The following ADCY9 variants were observed in gnomAD, a reference collection of about 807,000 sequenced individuals.
The protein encoded by ADCY9 is adenylate cyclase 9.
A neutral mutation model predicts 101.5 loss-of-function variants in ADCY9; 50 were observed. That is an observed-to-expected ratio of 0.49 (90% CI 0.39 to 0.62). The LOEUF is 0.62. Ranked by LOEUF, ADCY9 falls within the 20% of genes least tolerant of loss-of-function variation. The pLI, the probability that ADCY9 is intolerant of heterozygous loss-of-function variation, is 0.00. For missense variants in ADCY9, 1,662 were observed against 1,800.4 expected (o/e 0.92, Z 1.39); for synonymous variants, 905 against 769.3 (o/e 1.18, Z -2.92).
At chr16:4,044,730 T>C (rs951079608) in intron 2 of ADCY9, among the ~76,000 whole-genome samples, 8 of 152,304 alleles carry the variant, frequency 5.3e-5, no homozygotes, top group African/African-American at 1.7e-4. Context: ...TTCTGAACCA[T>C]TATACATTTA....
Position 4,114,996 on chromosome 16 carries a change from C to A in ADCY9, c.447G>T (p.Ala149=), listed in dbSNP as rs770590153. 2 of 1,613,948 alleles carry A rather than the reference C, an allele frequency of 1.2e-6. No homozygotes were observed. The highest frequency in any genetic ancestry group is 8.5e-7 in the Non-Finnish European group (1 of 1,180,042). Residue 149 remains alanine, a synonymous_variant, in exon 2 of 11, where the codon GCG becomes GCT. Transcript: ENST00000294016. This position sits in a 1 kb window ranked among gnomAD's most constrained non-coding sequence, Gnocchi z 4.3. Reference sequence around the variant, plus strand: ...CCACACACACCAGGAGGAAGCACAGCGCGGGGGCGACCATGACGATCAGTC... The same window carrying A: ...CCACACACACCAGGAGGAAGCACAGAGCGGGGGCGACCATGACGATCAGTC... The part of the protein sequence containing the change: ...RSRLIVMVAP[A]LCFLLVCVGF...
At chr16:4,057,496 C>T (rs2099890692) in intron 2 of ADCY9, among the ~76,000 whole-genome samples, 1 of 152,100 alleles carries the variant, frequency 6.6e-6, no homozygotes. Context: ...GTTTGTCCGC[C>T]GGCCACCGTT....
At chr16:4,025,321 C>T (rs972658079) in intron 2 of ADCY9, among the ~76,000 whole-genome samples, 5 of 147,934 alleles carry the variant, frequency 3.4e-5, no homozygotes, top group South Asian at 2.1e-4. Flanking sequence ...TTGCAGTGAG[C>T]GGACATTGGT....
Position 3,964,619 on chromosome 16 carries a change from G to C in ADCY9, c.*1156C>G, listed in dbSNP as rs1466858824. 6.5e-6 allele frequency: 1 copy of C among 152,746 alleles called. No homozygotes were observed. Among genetic ancestry groups the C allele is most frequent in the Non-Finnish European group, 1.5e-5 (1 of 68,476 alleles). The allele number at this position is 152,746 out of a possible 1,614,324, so 9.5% of individuals were successfully genotyped here. On this transcript the variant is annotated 3_prime_UTR_variant, in exon 11 of 11. Transcript: ENST00000294016. ...CCGGCACAGACCCCCGTGGTTCTGA[G>C]CTGGACCCCGGCAGGGAGGAGCCCC...
rs770612497 is a variant in ADCY9, at chr16:3,954,725, G to A, written c.568-1209C>T. Among the ~76,000 whole-genome samples the A allele has an allele frequency of 6.2e-4, 95 of 152,088 alleles. 1 individual carries two copies. Among genetic ancestry groups the A allele is most frequent in the Non-Finnish European group, 9.7e-4 (66 of 68,024 alleles). On this transcript the variant is annotated intron_variant, in intron 5 of 5. Coordinates refer to the ADCY9 transcript ENST00000576936. ...AGGAAGAGGCCATCTCAGAGCAGCC[G>A]CAACACTGGAGTCCACACAGGGGAG...
intron 2 of ADCY9, among the ~76,000 whole-genome samples, chr16:4,063,362 TATA>T (rs1597202899): frequency 6.6e-6 from 1 of 151,854 alleles, no homozygotes; most frequent in East Asian, 1.9e-4. Flanking sequence ...GGGAGAAATT[TATA>T]ATGTTAAAAG....
intron 2 of ADCY9, among the ~76,000 whole-genome samples, chr16:4,073,984 A>G (rs571005769): frequency 5.9e-5 from 9 of 152,346 alleles, no homozygotes; most frequent in Non-Finnish European, 1.2e-4. Context: ...TACTTAAATT[A>G]AACTAGTTTA....
chr16:4,090,235 G>A (rs1245580532), intron 2 of ADCY9, among the ~76,000 whole-genome samples: 11 of 152,060 alleles, frequency 7.2e-5, no homozygotes, highest in African/African-American at 2.4e-4. Context: ...AGCTGGAGGC[G>A]TCCAACCTCA....
At chr16:3,979,341 G>A (rs2056121009) in intron 7 of ADCY9, 66 bp from the exon 8 acceptor site, 2 of 1,573,390 alleles carry the variant, frequency 1.3e-6, no homozygotes, top group South Asian at 2.2e-5. Context: ...CAGGAGACAG[G>A]TGCGAGGCCG....
intron 3 of ADCY9, 97 bp from the exon 4 acceptor site, chr16:3,993,607 C>G: frequency 6.8e-7 from 1 of 1,478,626 alleles, no homozygotes; most frequent in Admixed American, 1.8e-5. Flanking sequence ...CGTCACGCAG[C>G]ATGGTGGTGA....
intron 2 of ADCY9, among the ~76,000 whole-genome samples, chr16:4,099,253 C>T (rs1250647442): frequency 6.6e-6 from 1 of 151,944 alleles, no homozygotes; most frequent in African/African-American, 2.4e-5. Context: ...TTTTTTATCA[C>T]GATTTACCTA....
At chr16:4,053,314 G>C (rs1050360105) in intron 2 of ADCY9, among the ~76,000 whole-genome samples, 1 of 152,220 alleles carries the variant, frequency 6.6e-6, no homozygotes, top group Non-Finnish European at 1.5e-5. Flanking sequence ...AGTGAAGAGA[G>C]AAGATGCGTT....
At chr16:4,070,970 T>C (rs1355785910) in intron 2 of ADCY9, among the ~76,000 whole-genome samples, 1 of 151,414 alleles carries the variant, frequency 6.6e-6, no homozygotes, top group Non-Finnish European at 1.5e-5. Flanking sequence ...ATAATAATAA[T>C]AAAAACCAAG....
intron 7 of ADCY9, among the ~76,000 whole-genome samples, chr16:3,981,250 G>A (rs994648328): frequency 1.6e-4 from 25 of 152,270 alleles, no homozygotes; most frequent in African/African-American, 5.8e-4. Flanking sequence ...CCCAGCCCTC[G>A]GCAGTCTACA....
At chr16:4,078,015 T>C (rs1421979803) in intron 2 of ADCY9, among the ~76,000 whole-genome samples, 1 of 138,782 alleles carries the variant, frequency 7.2e-6, no homozygotes, top group Admixed American at 7.2e-5. Context: ...AAAAAAAAAA[T>C]TCAGACACAA....
In ADCY9 at chr16:3,965,993, C is replaced by T. The variant is rs375515956; in HGVS notation, c.3844G>A (p.Val1282Met). ...RSPTDEIANL[V>M]PSVQYVDKTS... ...TTGTCCACATACTGGACAGAAGGCA[C>T]CAGGTTGGCAATCTCGTCTGTGGGA... The change falls in exon 11 of 11, where the codon GTG becomes ATG. Residue 1282 changes from valine to methionine, a missense_variant. By Grantham distance (21) the Val-to-Met change is conservative. Coordinates refer to ENST00000294016, the MANE Select transcript of ADCY9 (RefSeq NM_001116.4). 106 of 1,614,092 alleles carry T rather than the reference C, an allele frequency of 6.6e-5. No homozygotes were observed. Among genetic ancestry groups the T allele is most frequent in the Non-Finnish European group, 8.5e-5 (100 of 1,180,056 alleles).
chr16:4,069,932 C>T (rs1322111207), intron 2 of ADCY9, among the ~76,000 whole-genome samples: 1 of 152,094 alleles, frequency 6.6e-6, no homozygotes, highest in African/African-American at 2.4e-5. Context: ...CCTGTCTCTA[C>T]TAAAAGTACA....
At chr16:4,069,993 G>C (rs1261046116) in intron 2 of ADCY9, among the ~76,000 whole-genome samples, 1 of 152,130 alleles carries the variant, frequency 6.6e-6, no homozygotes, top group Non-Finnish European at 1.5e-5. Flanking sequence ...AGCCACTCAG[G>C]AGGGTGAGGC....
chr16:4,040,216 T>C (rs1293255792), intron 2 of ADCY9, among the ~76,000 whole-genome samples: 2 of 152,204 alleles, frequency 1.3e-5, no homozygotes, highest in African/African-American at 4.8e-5. Context: ...GCAGAGCCCC[T>C]AAATCTGCAG....
Sources: allele counts gnomAD v4.1 joint callset (sites outside exome capture counted in the v4.1 genomes callset), GRCh38; gene constraint gnomAD v4.1.1; non-coding constraint Gnocchi (gnomAD v3.1); transcripts MANE v1.5; gene names NCBI Gene and HGNC (gene_info 2026-07-23, HGNC 2026-07-21).